Variants in PSEN2 observed in about 807,000 individuals in gnomAD.
PSEN2 encodes the protein presenilin 2.
Under a neutral mutation model 49.1 loss-of-function variants are expected in PSEN2, and 32 were observed. The observed-to-expected ratio is 0.65, with a 90% CI of 0.49 to 0.88. The LOEUF (loss-of-function observed/expected upper bound fraction) is 0.88. Ranked by LOEUF, PSEN2 falls within the 40% of genes least tolerant of loss-of-function variation. PSEN2 has a pLI of 0.00. For synonymous variants in PSEN2, 255 were observed against 244.0 expected (o/e 1.05, Z -0.42); for missense variants, 522 against 586.9 (o/e 0.89, Z 1.14).
At chr1:226,877,090 G>A (rs778356271) in intron 3 of PSEN2, among the ~76,000 whole-genome samples, 8 of 152,214 alleles carry the variant, frequency 5.3e-5, no homozygotes, top group Non-Finnish European at 8.8e-5. Context: ...CAGTGAGAGG[G>A]TGAAGGTGGG....
Position 226,883,703 on chromosome 1 carries a change from A to G in PSEN2, c.142-2A>G. 6.2e-7 allele frequency: 1 copy of G among 1,613,764 alleles called. No homozygotes were observed. The highest frequency in any genetic ancestry group is 8.5e-7 in the Non-Finnish European group (1 of 1,179,914). ...CGGCCCTCACGATGTGGTTTCCCAC[A>G]GAGAAGCCAGGAGAACGAGGAGGAC... On this transcript the variant is annotated splice_acceptor_variant, in intron 4 of 12. Coordinates refer to ENST00000366783, the MANE Select transcript of PSEN2 (RefSeq NM_000447.3). LOFTEE classifies it high-confidence loss of function.
At chr1:226,889,989 G>T in intron 8 of PSEN2, 46 bp from the exon 9 acceptor site, 1 of 1,509,564 alleles carries the variant, frequency 6.6e-7, no homozygotes, top group Non-Finnish European at 9.2e-7. Context: ...TCTTCTTCAG[G>T]GGGCTGCCCG....
At chr1:226,885,318 G>A (rs1366890314) in intron 5 of PSEN2, among the ~76,000 whole-genome samples, 1 of 152,206 alleles carries the variant, frequency 6.6e-6, no homozygotes, top group African/African-American at 2.4e-5. Context: ...ACTGGGCCCA[G>A]TTGGCAGGCT....
intron 5 of PSEN2, 31 bp downstream of exon 5, chr1:226,883,950 G>A (rs1033298092): frequency 1.3e-6 from 2 of 1,492,874 alleles, no homozygotes; most frequent in Non-Finnish European, 1.8e-6. Flanking sequence ...GAGCAGGGTG[G>A]GGTGAGGGCT....
At chr1:226,882,671 T>G (rs1661076991) in intron 4 of PSEN2, among the ~76,000 whole-genome samples, 1 of 152,226 alleles carries the variant, frequency 6.6e-6, no homozygotes, top group African/African-American at 2.4e-5. Context: ...CTGTGTGGAC[T>G]GTTTTCTTGC....
rs1423465515 is a variant in PSEN2 at position 226,883,839 on chromosome 1, T to G, written c.276T>G (p.Phe92Leu). The G allele has an allele frequency of 1.2e-6, 2 of 1,613,908 alleles. No individual in the cohort carries two copies. The highest frequency in any genetic ancestry group is 1.7e-5 in the Admixed American group (1 of 60,000). ...GAGCGAAGCACGTGATCATGCTGTTTGTGCCTGTCACTCTGTGCATGATCG... is the reference window on the plus strand; with the variant it reads ...GAGCGAAGCACGTGATCATGCTGTTGGTGCCTGTCACTCTGTGCATGATCG... ...KYGAKHVIML[F>L]VPVTLCMIVV... Residue 92 changes from phenylalanine (F) to leucine (L), a missense_variant, in exon 5 of 13, where the codon TTT becomes TTG. Transcript: ENST00000366783.
At chr1:226,872,257 A>G (rs1660349825) in intron 2 of PSEN2, among the ~76,000 whole-genome samples, 1 of 152,228 alleles carries the variant, frequency 6.6e-6, no homozygotes, top group African/African-American at 2.4e-5. Context: ...TTTCTCTGTT[A>G]TCGATGTTAA....
intron 2 of PSEN2, among the ~76,000 whole-genome samples, chr1:226,874,860 C>A (rs1660535736): frequency 6.6e-6 from 1 of 152,216 alleles, no homozygotes; most frequent in Non-Finnish European, 1.5e-5. Context: ...TGAACCCTGT[C>A]AGTCTCCAAA....
chr1:226,891,054 T>G, intron 9 of PSEN2: 1 of 579,224 alleles, frequency 1.7e-6, no homozygotes. Flanking sequence ...CTGGTTCTTA[T>G]GCTTTAGGAG....
rs201177570 is a variant in PSEN2 at position 226,896,058 on chromosome 1, G to T, written c.*479G>T. 9 of 203,946 alleles carry T rather than the reference G, an allele frequency of 4.4e-5. No homozygotes were observed. The highest frequency in any genetic ancestry group is 7.1e-5 in the Non-Finnish European group (7 of 98,660). The allele number at this position is 203,946 out of a possible 1,614,324, so 12.6% of individuals were successfully genotyped here. ...ACGGCAGTCACACTGCTGGGAAGTG[G>T]CTTAATAGTAATATCAATAAATAGA... is the stretch of plus-strand genomic sequence containing the variant. On this transcript the variant is annotated 3_prime_UTR_variant, in exon 13 of 13. Transcript: ENST00000366783.
chr1:226,895,773 C>T lies in PSEN2; in HGVS notation c.*194C>T. ...TTTCATCACCAGACTTTGGCTCCCGCTTTGGGGAGCGCCTCGCTTCACGGA... is the reference window on the plus strand; with the variant it reads ...TTTCATCACCAGACTTTGGCTCCCGTTTTGGGGAGCGCCTCGCTTCACGGA... On this transcript the variant is annotated 3_prime_UTR_variant, in exon 13 of 13. Coordinates refer to ENST00000366783, the MANE Select transcript of PSEN2 (RefSeq NM_000447.3). 1.5e-6 allele frequency: 1 copy of T among 660,758 alleles called. No individual in the cohort carries two copies. Among genetic ancestry groups the T allele is most frequent in the East Asian group, 2.8e-5 (1 of 36,136 alleles). 40.9% of individuals were successfully genotyped at this position (660,758 alleles called of 1,614,324 possible).
At chr1:226,878,820 A>G (rs749970219) in intron 3 of PSEN2, among the ~76,000 whole-genome samples, 14 of 152,210 alleles carry the variant, frequency 9.2e-5, no homozygotes, top group Non-Finnish European at 1.9e-4. Context: ...CTCGTATCTC[A>G]TCCAGCACAC....
rs182357168 is a variant in PSEN2 at position 226,880,862 on chromosome 1, G to A, written c.-20-1026G>A. On this transcript the variant is annotated intron_variant, in intron 3 of 12. Coordinates refer to ENST00000366783, the MANE Select transcript of PSEN2 (RefSeq NM_000447.3). Reference sequence around the variant, plus strand: ...TCAGTGGCACTTCCCCACCTCACACGTCTGCTCTCATGGCTTAGGTCTCCA... The same window carrying A: ...TCAGTGGCACTTCCCCACCTCACACATCTGCTCTCATGGCTTAGGTCTCCA... 496 of 1,432,390 alleles carry A rather than the reference G, an allele frequency of 3.5e-4. 6 individuals carry two copies. In the South Asian group the frequency reaches 6.0e-3, roughly 17 times the overall value. 88.7% of individuals were successfully genotyped at this position (1,432,390 alleles called of 1,614,324 possible). A position where few individuals can be genotyped will look rare whatever the true frequency, so the allele number is the denominator to read the frequency against.
At chr1:226,887,257 A>T (rs1362522597) in intron 6 of PSEN2, among the ~76,000 whole-genome samples, 2 of 152,076 alleles carry the variant, frequency 1.3e-5, no homozygotes, top group African/African-American at 4.8e-5. Context: ...GGTGGCTGGG[A>T]TGAAGAGGGT....
At chr1:226,892,419 C>G (rs1045619838) in intron 11 of PSEN2, among the ~76,000 whole-genome samples, 1 of 152,138 alleles carries the variant, frequency 6.6e-6, no homozygotes, top group African/African-American at 2.4e-5. Context: ...TGGAGACATG[C>G]GAAGATAGGA....
At position 226,890,119 on chromosome 1, in the gene PSEN2, C is replaced by G; in HGVS notation, c.872C>G (p.Ala291Gly). The G allele has an allele frequency of 6.2e-7, 1 of 1,613,038 alleles. No homozygotes were observed. The highest frequency in any genetic ancestry group is 8.5e-7 in the Non-Finnish European group (1 of 1,178,992). ...GAGAGAAATGAGCCCATATTCCCTGCCCTGATATACTCATGTGAGTGAGCC... is the reference window on the plus strand; with the variant it reads ...GAGAGAAATGAGCCCATATTCCCTGGCCTGATATACTCATGTGAGTGAGCC... ...AQERNEPIFPALIYSSAMVWT... is the reference protein window; with the variant it reads ...AQERNEPIFPGLIYSSAMVWT... Residue 291 changes from alanine (A) to glycine (G), a missense_variant, in exon 9 of 13, where the codon GCC (alanine) becomes GGC (glycine). Ala to Gly is a moderately conservative substitution (Grantham distance 60, BLOSUM62 0). Transcript: ENST00000366783.
Position 226,881,967 on chromosome 1 carries a change from A to G in PSEN2, c.60A>G (p.Leu20=). Residue 20 remains leucine (L), a synonymous_variant, in exon 4 of 13, where the codon CTA becomes CTG. Coordinates refer to ENST00000366783, the MANE Select transcript of PSEN2 (RefSeq NM_000447.3). The part of the protein sequence containing the change: ...EEEVCDERTS[L]MSAESPTPRS... ...AAGTGTGTGATGAGCGGACGTCCCT[A>G]ATGTCGGCTGAGAGCCCCACGCCGC... 1 of 1,614,014 alleles carries G rather than the reference A, an allele frequency of 6.2e-7. No homozygotes were observed. The highest frequency in any genetic ancestry group is 8.5e-7 in the Non-Finnish European group (1 of 1,179,940).
intron 12 of PSEN2, among the ~76,000 whole-genome samples, chr1:226,902,170 T>A (rs1662339292): frequency 6.6e-6 from 1 of 152,094 alleles, no homozygotes; most frequent in African/African-American, 2.4e-5. Context: ...GGCATTAGAT[T>A]CTCATGTGGA....
chr1:226,880,470 G>A, intron 3 of PSEN2: 1 of 1,451,896 alleles, frequency 6.9e-7, no homozygotes. Context: ...CCTGCCCAGG[G>A]TGTGAAGCTC....
Sources: allele counts gnomAD v4.1 joint callset (sites outside exome capture counted in the v4.1 genomes callset), GRCh38; gene constraint gnomAD v4.1.1; transcripts MANE v1.5; gene names NCBI Gene and HGNC (gene_info 2026-07-23, HGNC 2026-07-21).